Variants in SPOCK3 observed in about 807,000 individuals in gnomAD.
SPOCK3 encodes the protein testican-3.
A neutral mutation model predicts 56.6 loss-of-function variants in SPOCK3; 30 were observed. The ratio of observed to expected loss-of-function variants is 0.53; its 90% CI spans 0.40 to 0.72. The LOEUF (loss-of-function observed/expected upper bound fraction) is 0.72, where lower values mean the gene tolerates loss of function less well. Among genes scored for constraint, SPOCK3 ranks in the 30% least tolerant of loss-of-function variants. The probability of loss-of-function intolerance (pLI) is 0.00; values close to 1 mark genes in which losing one functional copy is unlikely to be tolerated. For synonymous variants in SPOCK3, 196 were observed against 183.3 expected (o/e 1.07, Z -0.56); for missense variants, 527 against 530.0 (o/e 0.99, Z 0.06).
intron 3 of SPOCK3, among the ~76,000 whole-genome samples, chr4:167,054,187 C>A (rs190381568): frequency 1.3e-5 from 2 of 152,276 alleles, no homozygotes; most frequent in East Asian, 1.9e-4. Flanking sequence ...TCAGTTCAAG[C>A]AGATTCTCTG....
intron 6 of SPOCK3, among the ~76,000 whole-genome samples, chr4:166,888,578 C>T (rs1178913777): frequency 6.6e-6 from 1 of 151,784 alleles, no homozygotes; most frequent in Non-Finnish European, 1.5e-5. Flanking sequence ...TAGTTGAATG[C>T]ATTTTATTTT....
chr4:166,747,925 T>A, intron 8 of SPOCK3, among the ~76,000 whole-genome samples: 1 of 151,836 alleles, frequency 6.6e-6, no homozygotes, highest in Admixed American at 6.6e-5. Context: ...ATCCAACTTA[T>A]AGGAAATGTG....
At chr4:167,192,728 GT>G (rs1171031298) in intron 2 of SPOCK3, among the ~76,000 whole-genome samples, 1 of 145,126 alleles carries the variant, frequency 6.9e-6, no homozygotes, top group Non-Finnish European at 1.5e-5. Context: ...TTCGACGTAG[GT>G]ATTTATCACT....
intron 3 of SPOCK3, among the ~76,000 whole-genome samples, chr4:167,047,424 T>C (rs1392451934): frequency 6.6e-6 from 1 of 152,222 alleles, no homozygotes; most frequent in African/African-American, 2.4e-5. Flanking sequence ...TAACTAGTCG[T>C]AAACTTTTGT....
intron 6 of SPOCK3, among the ~76,000 whole-genome samples, chr4:166,809,835 C>T (rs1743581694): frequency 6.6e-6 from 1 of 152,034 alleles, no homozygotes; most frequent in African/African-American, 2.4e-5. Flanking sequence ...CAACATCAGA[C>T]AAGCCCACTC....
At chr4:166,796,252 A>C (rs1420652259) in intron 6 of SPOCK3, among the ~76,000 whole-genome samples, 1 of 152,196 alleles carries the variant, frequency 6.6e-6, no homozygotes, top group Non-Finnish European at 1.5e-5. Flanking sequence ...AGTTATCAAG[A>C]ACATGAATTT....
chr4:166,993,304 C>T (rs1008299324), intron 4 of SPOCK3, among the ~76,000 whole-genome samples: 1 of 152,128 alleles, frequency 6.6e-6, no homozygotes, highest in African/African-American at 2.4e-5. Context: ...ATTGACATCC[C>T]TTGAGGCGTC....
At chr4:167,205,342 T>TTTATATAAA (rs1734038286) in intron 2 of SPOCK3, among the ~76,000 whole-genome samples, 9 of 40,472 alleles carry the variant, frequency 2.2e-4, no homozygotes, top group Non-Finnish European at 3.1e-4. Context: ...TATTATATAT[T>TTTATATAAA]ATATATATAA....
At chr4:166,771,824 G>A (rs1738966095) in intron 7 of SPOCK3, among the ~76,000 whole-genome samples, 1 of 151,978 alleles carries the variant, frequency 6.6e-6, no homozygotes, top group African/African-American at 2.4e-5. Context: ...AAACTGTCAA[G>A]GTTGTTTACA....
chr4:166,774,684 A>G (rs1457665911), intron 7 of SPOCK3, among the ~76,000 whole-genome samples: 1 of 152,090 alleles, frequency 6.6e-6, no homozygotes, highest in African/African-American at 2.4e-5. Flanking sequence ...CGACTTTTAG[A>G]TTTTTCTGGT....
chr4:166,754,918 T>G (rs1736877888), intron 7 of SPOCK3, among the ~76,000 whole-genome samples, 189 bp from the exon 8 acceptor site: 1 of 152,052 alleles, frequency 6.6e-6, no homozygotes, highest in African/African-American at 2.4e-5. Context: ...CATTTCAGGA[T>G]AGTTGTGAGA....
At chr4:166,943,035 T>C (rs1035493966) in intron 4 of SPOCK3, among the ~76,000 whole-genome samples, 7 of 152,242 alleles carry the variant, frequency 4.6e-5, no homozygotes, top group Non-Finnish European at 8.8e-5. Flanking sequence ...AAATAGTTTT[T>C]GTGTCATTTT....
intron 10 of SPOCK3, among the ~76,000 whole-genome samples, chr4:166,736,366 A>C (rs1456793080): frequency 6.6e-6 from 1 of 152,278 alleles, no homozygotes; most frequent in South Asian, 2.1e-4. Flanking sequence ...ACTACTTTAC[A>C]GCACACATTA....
At position 166,937,805 on chromosome 4, in the gene SPOCK3, T is replaced by A. The variant is rs1380883624; in HGVS notation, c.351-25062A>T. On this transcript the variant is annotated intron_variant, in intron 4 of 10. Transcript: ENST00000357545. Reference sequence around the variant, plus strand: ...CGGAGTGTCACTCTGTCGCCCAGGCTAGAGTTAGAGTGCAGTGGGGCGATC... The same window carrying A: ...CGGAGTGTCACTCTGTCGCCCAGGCAAGAGTTAGAGTGCAGTGGGGCGATC... Among the ~76,000 whole-genome samples the A allele has an allele frequency of 2.7e-5, 4 of 149,322 alleles. No individual in the cohort carries two copies. In the East Asian group the frequency reaches 7.8e-4, roughly 29 times the overall value.
chr4:167,170,447 GATA>G (rs1730403488), intron 2 of SPOCK3, among the ~76,000 whole-genome samples: 1 of 152,132 alleles, frequency 6.6e-6, no homozygotes, highest in South Asian at 2.1e-4. Flanking sequence ...TCTAAGCAGA[GATA>G]ATGATGAGAG....
Position 167,232,211 on chromosome 4 carries a change from GA to G in SPOCK3, c.189+1773del, listed in dbSNP as rs1423769117. Among the ~76,000 whole-genome samples, 3 of 151,910 alleles carry G rather than the reference GA, an allele frequency of 2.0e-5. No homozygotes were observed. In the East Asian group the frequency reaches 5.8e-4, roughly 29 times the overall value. On this transcript the variant is annotated intron_variant, in intron 2 of 10. Coordinates refer to ENST00000357545, the MANE Select transcript of SPOCK3 (RefSeq NM_001040159.2). ...CCTCAATAATTTAATAAAGTAATTT[GA>G]ATAAAATAAGAGAATACTAAGTTAT...
At chr4:166,938,027 C>T (rs763063303) in intron 4 of SPOCK3, among the ~76,000 whole-genome samples, 70 of 151,570 alleles carry the variant, frequency 4.6e-4, no homozygotes, top group Non-Finnish European at 7.5e-4. Flanking sequence ...GGCCTATCCA[C>T]CCTATCTGCC....
chr4:166,797,625 AT>A (rs944989139), intron 6 of SPOCK3, among the ~76,000 whole-genome samples: 3 of 151,992 alleles, frequency 2.0e-5, no homozygotes, highest in Non-Finnish European at 2.9e-5. Flanking sequence ...TGATGGAAAC[AT>A]TTTAACATTT....
intron 6 of SPOCK3, among the ~76,000 whole-genome samples, chr4:166,866,832 A>T (rs1731896954): frequency 2.0e-5 from 3 of 152,200 alleles, no homozygotes; most frequent in Middle Eastern, 3.4e-3. Flanking sequence ...TTTAATCTTC[A>T]TGAATGCATT....
Sources: gnomAD v4.1 joint callset for allele counts (sites outside exome capture counted in the v4.1 genomes callset) on GRCh38, gnomAD v4.1.1 for gene constraint, MANE v1.5 for transcripts, NCBI Gene and HGNC (gene_info 2026-07-23, HGNC 2026-07-21) for gene names.